Variants in TOGARAM2 observed in about 807,000 individuals in gnomAD.
TOGARAM2 encodes the protein TOG array regulator of axonemal microtubules 2, also known as TOG array regulator of axonemal microtubules protein 2.
A neutral mutation model predicts 93.3 loss-of-function variants in TOGARAM2; 85 were observed. The ratio of observed to expected loss-of-function variants is 0.91; its 90% CI spans 0.76 to 1.09. TOGARAM2 has a LOEUF of 1.09. Among genes scored for constraint, TOGARAM2 ranks in the 50% least tolerant of loss-of-function variants. The pLI is 0.00. For missense variants in TOGARAM2, 1,277 were observed against 1,334.5 expected (o/e 0.96, Z 0.67); for synonymous variants, 593 against 552.8 (o/e 1.07, Z -1.02).
chr2:29,015,618 C>T (rs1437724189), intron 8 of TOGARAM2, among the ~76,000 whole-genome samples: 1 of 152,236 alleles, frequency 6.6e-6, no homozygotes, highest in East Asian at 1.9e-4. Context: ...TCCACACTCC[C>T]CACTGAAACT....
At chr2:29,020,399 G>A (rs938546218) in intron 10 of TOGARAM2, among the ~76,000 whole-genome samples, 5 of 152,234 alleles carry the variant, frequency 3.3e-5, no homozygotes, top group African/African-American at 1.2e-4. Context: ...CAAGGAGCTG[G>A]CCTTTCTTGG....
intron 11 of TOGARAM2, among the ~76,000 whole-genome samples, chr2:29,022,831 G>A (rs910968312): frequency 6.6e-6 from 1 of 152,344 alleles, no homozygotes; most frequent in Admixed American, 6.5e-5. Context: ...AGGTCCTGGA[G>A]GGGGGTGGGC....
In TOGARAM2 at chr2:28,962,309, C is replaced by T. The variant is rs1001001713; in HGVS notation, c.-147+5612C>T. Among the ~76,000 whole-genome samples the T allele has an allele frequency of 4.0e-5, 6 of 151,432 alleles. 1 individual carries two copies. The highest frequency in any genetic ancestry group is 7.3e-5 in the African/African-American group (3 of 41,174). On this transcript the variant is annotated intron_variant, in intron 1 of 6. Coordinates refer to the TOGARAM2 transcript ENST00000401723. ...TCCTGCCTCAGCCTCCCAAGTAGCT[C>T]AGATTACAGGCATGTGCCACCATGC...
At chr2:29,048,862 T>TG (rs1666904238) in intron 19 of TOGARAM2, 1 of 148,414 alleles carries the variant, frequency 6.7e-6, no homozygotes, top group Non-Finnish European at 1.5e-5. Flanking sequence ...TTTTTTTTTT[T>TG]TTTTTTAGAC....
At chr2:28,961,327 A>T (rs1179339224) in intron 1 of TOGARAM2, among the ~76,000 whole-genome samples, 1 of 151,954 alleles carries the variant, frequency 6.6e-6, no homozygotes, top group Non-Finnish European at 1.5e-5. Flanking sequence ...TTTGAGGTAT[A>T]ATTTATTATT....
At chr2:28,967,854 C>CCAGGCTGG (rs1275460083) in intron 1 of TOGARAM2, among the ~76,000 whole-genome samples, 4 of 136,686 alleles carry the variant, frequency 2.9e-5, no homozygotes, top group Non-Finnish European at 6.0e-5. Context: ...GCTCTATTGC[C>CCAGGCTGG]CAGGCTGGAG....
At chr2:29,046,792 C>T (rs1430574508) in intron 19 of TOGARAM2, 1 of 153,100 alleles carries the variant, frequency 6.5e-6, no homozygotes, top group African/African-American at 2.4e-5. Context: ...TGCTGCTTCC[C>T]CCTGGCACTC....
chr2:29,052,148 C>T lies in TOGARAM2; in HGVS notation c.*55C>T. The T allele has an allele frequency of 7.3e-7, 1 of 1,365,410 alleles. No individual in the cohort carries two copies. The highest frequency in any genetic ancestry group is 9.8e-7 in the Non-Finnish European group (1 of 1,023,510). 84.6% of individuals were successfully genotyped at this position (1,365,410 alleles called of 1,614,324 possible). A position where few individuals can be genotyped will look rare whatever the true frequency, so the allele number is the denominator to read the frequency against. Reference sequence around the variant, plus strand: ...TATCTTATTTTTTTGATGGACTATTCTCCTGGTTACTTTCCCCCTTAGAGT... The same window carrying T: ...TATCTTATTTTTTTGATGGACTATTTTCCTGGTTACTTTCCCCCTTAGAGT... On this transcript the variant is annotated 3_prime_UTR_variant, in exon 20 of 20. Coordinates refer to ENST00000379558, the MANE Select transcript of TOGARAM2 (RefSeq NM_199280.4).
intron 18 of TOGARAM2, among the ~76,000 whole-genome samples, chr2:29,042,170 A>C (rs1163168506): frequency 6.6e-6 from 1 of 152,220 alleles, no homozygotes; most frequent in African/African-American, 2.4e-5. Flanking sequence ...AGGTAACCTG[A>C]AAGGTGAGCC....
rs377387971 is a variant in TOGARAM2, at chr2:28,994,843, C to A, written c.9C>A (p.Thr3=). Residue 3 remains threonine (T), a synonymous_variant, in exon 2 of 20, where the codon ACC becomes ACA. Transcript: ENST00000379558. The stretch of plus-strand genomic sequence containing the variant: ...CCTTCTCCACCCAGGACATGGGCAC[C>A]CGTGACGATGTCCCCGAAGGTAAGG... MG[T]RDDVPEAKVL... The A allele has an allele frequency of 1.4e-5, 21 of 1,552,476 alleles. No homozygotes were observed. The African/African-American group carries it at 2.1e-4, about 15-fold the overall frequency.
intron 1 of TOGARAM2, among the ~76,000 whole-genome samples, chr2:28,963,861 A>G (rs1393135302): frequency 1.3e-5 from 2 of 152,186 alleles, no homozygotes; most frequent in Non-Finnish European, 1.5e-5. Context: ...TACAAAAATT[A>G]GCTGGGCATG....
Position 29,026,934 on chromosome 2 carries a change from C to G in TOGARAM2, c.1935C>G (p.Leu645=), listed in dbSNP as rs759695643. ...VLEQIGAEKL[L]SGTRDSTDML... is the part of the protein sequence containing the mutation. ...AGCAGATCGGCGCTGAGAAGCTTCTCTCGGGCACCAGAGACAGCACAGACA... is the reference window on the plus strand; with the variant it reads ...AGCAGATCGGCGCTGAGAAGCTTCTGTCGGGCACCAGAGACAGCACAGACA... Residue 645 remains leucine (L), a synonymous_variant, in exon 14 of 20, where the codon CTC becomes CTG. Coordinates refer to ENST00000379558, the MANE Select transcript of TOGARAM2 (RefSeq NM_199280.4). The G allele has an allele frequency of 1.0e-5, 16 of 1,579,326 alleles. 1 individual carries two copies. In the East Asian group the frequency reaches 2.8e-4, roughly 28 times the overall value.
intron 1 of TOGARAM2, chr2:28,971,261 G>C (rs1671944013): frequency 6.6e-6 from 1 of 152,168 alleles, no homozygotes; most frequent in African/African-American, 2.4e-5. Flanking sequence ...GCCCAGGCTA[G>C]AGTGCAGTGG....
At chr2:29,037,557 C>A (rs1223371634) in intron 18 of TOGARAM2, among the ~76,000 whole-genome samples, 1 of 152,172 alleles carries the variant, frequency 6.6e-6, no homozygotes, top group African/African-American at 2.4e-5. Context: ...GACACCCCTC[C>A]TGATACACTT....
intron 18 of TOGARAM2, among the ~76,000 whole-genome samples, chr2:29,041,983 T>G (rs1666466343): frequency 6.6e-6 from 1 of 152,240 alleles, no homozygotes. Context: ...AGCAACTTTA[T>G]GAGAAAGCTA....
intron 16 of TOGARAM2, among the ~76,000 whole-genome samples, 177 bp from the exon 17 acceptor site, chr2:29,035,287 G>T (rs1666019366): frequency 6.6e-6 from 1 of 152,222 alleles, no homozygotes. Context: ...CCCCTGACAA[G>T]GGGATGGAGC....
At chr2:28,978,114 C>T (rs1037395841), upstream of TOGARAM2, among the ~76,000 whole-genome samples, 4 of 152,156 alleles carry the variant, frequency 2.6e-5, no homozygotes, top group Non-Finnish European at 5.9e-5. Context: ...ACCATGTTGC[C>T]CAGGCTGGTC....
At position 29,045,318 on chromosome 2, in the gene TOGARAM2, T is replaced by C. The variant is rs753653426; in HGVS notation, c.2636-6T>C. ...TGTGGCCACTGACATCCCCCTTCTC[T>C]TTCAGACAACCTTTGCCTTCTACCA... is the stretch of plus-strand genomic sequence containing the variant. On this transcript the variant is annotated splice_region_variant and splice_polypyrimidine_tract_variant and intron_variant, in intron 18 of 19. Transcript: ENST00000379558. 1.2e-6 allele frequency: 2 copies of C among 1,611,922 alleles called. No homozygotes were observed. The highest frequency in any genetic ancestry group is 1.7e-6 in the Non-Finnish European group (2 of 1,179,480).
At chr2:29,034,168 T>C (rs1665944291) in intron 16 of TOGARAM2, among the ~76,000 whole-genome samples, 3 of 152,158 alleles carry the variant, frequency 2.0e-5, no homozygotes. Flanking sequence ...TCTCCCACTC[T>C]TCCTGTCTCG....
Sources: allele counts gnomAD v4.1 joint callset (sites outside exome capture counted in the v4.1 genomes callset), GRCh38; gene constraint gnomAD v4.1.1; transcripts MANE v1.5; gene names NCBI Gene and HGNC (gene_info 2026-07-23, HGNC 2026-07-21).